DPP10: variants seen among roughly 807,000 people sequenced by gnomAD.
The protein encoded by DPP10 is dipeptidyl peptidase like 10.
A neutral mutation model predicts 120.9 loss-of-function variants in DPP10; 33 were observed. The ratio of observed to expected loss-of-function variants is 0.27; its 90% confidence interval spans 0.21 to 0.37. DPP10 has a LOEUF of 0.37. Ranked by LOEUF, DPP10 falls within the 10% of genes least tolerant of loss-of-function variation. The pLI is 1.00. For synonymous variants in DPP10, 337 were observed against 326.1 expected (o/e 1.03, Z -0.36); for missense variants, 816 against 942.8 (o/e 0.87, Z 1.76).
intron 3 of DPP10, among the ~76,000 whole-genome samples, chr2:115,378,095 A>C (rs558388138): frequency 0.013 from 1,913 of 152,108 alleles, 29 homozygotes; most frequent in African/African-American, 0.038. Context: ...TGAAGAAAGT[A>C]ATTGGTAGCT....
At chr2:115,512,958 A>G (rs1306171079) in intron 4 of DPP10, among the ~76,000 whole-genome samples, 2 of 152,002 alleles carry the variant, frequency 1.3e-5, no homozygotes, top group Non-Finnish European at 2.9e-5. Flanking sequence ...GGTTCTATCC[A>G]TTGCTGAAAT....
chr2:114,640,044 T>C (rs1161317891), intron 1 of DPP10, among the ~76,000 whole-genome samples: 1 of 151,970 alleles, frequency 6.6e-6, no homozygotes, highest in Non-Finnish European at 1.5e-5. Flanking sequence ...ACAAATAGGA[T>C]GTAGTTACCA....
chr2:115,666,408 A>G (rs1226554487), intron 5 of DPP10, among the ~76,000 whole-genome samples: 1 of 152,160 alleles, frequency 6.6e-6, no homozygotes, highest in Non-Finnish European at 1.5e-5. Flanking sequence ...GAACTCGCTC[A>G]CTATCACGAG....
intron 1 of DPP10, among the ~76,000 whole-genome samples, chr2:114,526,192 C>T (rs1205058478): frequency 6.6e-6 from 1 of 152,142 alleles, no homozygotes; most frequent in Non-Finnish European, 1.5e-5. Context: ...GACAGCTGAC[C>T]TAATGGGCTT....
intron 2 of DPP10, among the ~76,000 whole-genome samples, chr2:115,324,076 G>A (rs2062209648): frequency 6.6e-6 from 1 of 152,084 alleles, no homozygotes; most frequent in African/African-American, 2.4e-5. Context: ...GATAGATCAA[G>A]ACCATGCTGG....
chr2:115,176,007 A>G (rs2053661654), intron 1 of DPP10, among the ~76,000 whole-genome samples: 2 of 152,182 alleles, frequency 1.3e-5, no homozygotes, highest in Non-Finnish European at 2.9e-5. Flanking sequence ...GATGATGCCT[A>G]GTCTGTGGAC....
chr2:115,074,970 C>T (rs1236206926), intron 1 of DPP10, among the ~76,000 whole-genome samples: 1 of 152,072 alleles, frequency 6.6e-6, no homozygotes, highest in Non-Finnish European at 1.5e-5. Context: ...GTTTGAGATG[C>T]CTTTGGACCA....
chr2:114,596,994 G>A (rs981646138), intron 1 of DPP10, among the ~76,000 whole-genome samples: 3 of 152,028 alleles, frequency 2.0e-5, no homozygotes, highest in Non-Finnish European at 2.9e-5. Flanking sequence ...TTAGATTCTA[G>A]TAGACAAGTC....
chr2:115,795,759 C>T (rs1684462123), intron 19 of DPP10, among the ~76,000 whole-genome samples: 1 of 152,126 alleles, frequency 6.6e-6, no homozygotes, highest in African/African-American at 2.4e-5. Context: ...GTTTGTTATA[C>T]ACACATTTCA....
At chr2:115,027,980 T>A (rs1036378044) in intron 1 of DPP10, among the ~76,000 whole-genome samples, 1 of 152,082 alleles carries the variant, frequency 6.6e-6, no homozygotes, top group African/African-American at 2.4e-5. Flanking sequence ...TAATTTTACT[T>A]AATTGGGTCT....
chr2:114,926,679 C>A (rs867609783), intron 1 of DPP10, among the ~76,000 whole-genome samples: 2 of 152,062 alleles, frequency 1.3e-5, no homozygotes, highest in Middle Eastern at 3.2e-3. Flanking sequence ...CTGCCTGGAC[C>A]CTCTAGCAAG....
At chr2:114,502,809 T>C (rs1024881035) in intron 1 of DPP10, among the ~76,000 whole-genome samples, 2 of 152,226 alleles carry the variant, frequency 1.3e-5, no homozygotes, top group East Asian at 1.9e-4. Flanking sequence ...AAGTGACTCA[T>C]ACTTTCACAT....
At chr2:115,820,547 T>TG (rs1320142374) in intron 21 of DPP10, among the ~76,000 whole-genome samples, 1 of 152,086 alleles carries the variant, frequency 6.6e-6, no homozygotes, top group Non-Finnish European at 1.5e-5. Context: ...AGAAGTGTAT[T>TG]GTACCCAGTG....
At chr2:114,823,445 T>C (rs1007616216) in intron 1 of DPP10, among the ~76,000 whole-genome samples, 7 of 152,096 alleles carry the variant, frequency 4.6e-5, no homozygotes, top group African/African-American at 1.7e-4. Context: ...CCAAAACATA[T>C]CCCATCTTAA....
intron 3 of DPP10, among the ~76,000 whole-genome samples, chr2:115,405,301 G>A (rs1259547447): frequency 6.6e-6 from 1 of 152,186 alleles, no homozygotes; most frequent in Non-Finnish European, 1.5e-5. Context: ...AAATCTTAAA[G>A]CTCAGAATAT....
chr2:115,190,275 C>T (rs922536150), intron 1 of DPP10, among the ~76,000 whole-genome samples: 1 of 152,110 alleles, frequency 6.6e-6, no homozygotes, highest in Non-Finnish European at 1.5e-5. Context: ...TGGTACTCCT[C>T]GTGGAACTCC....
chr2:114,475,773 A>G (rs1387468889), intron 1 of DPP10, among the ~76,000 whole-genome samples: 1 of 152,226 alleles, frequency 6.6e-6, no homozygotes, highest in Non-Finnish European at 1.5e-5. Flanking sequence ...TTCCTCTCCT[A>G]GGAACTGTAA....
In DPP10 at chr2:115,670,967, A is replaced by G. The variant is rs1438893014; in HGVS notation, c.442-18720A>G. Among the ~76,000 whole-genome samples, 7 of 152,196 alleles carry G rather than the reference A, an allele frequency of 4.6e-5. No individual in the cohort carries two copies. In the East Asian group the frequency reaches 1.3e-3, roughly 29 times the overall value. ...ACTATTGGAAAAAAATTGTTAAGCC[A>G]TGTTTGAGAAATAAAGAATATTCCT... On this transcript the variant is annotated intron_variant, in intron 5 of 25. Coordinates refer to ENST00000410059, the MANE Select transcript of DPP10 (RefSeq NM_020868.6).
chr2:114,917,222 C>T (rs2106636058), intron 1 of DPP10, among the ~76,000 whole-genome samples: 1 of 152,176 alleles, frequency 6.6e-6, no homozygotes, highest in East Asian at 1.9e-4. Context: ...GTTCACAGTC[C>T]TCACCAAAAG....
Sources: allele counts gnomAD v4.1 joint callset (sites outside exome capture counted in the v4.1 genomes callset), GRCh38; gene constraint gnomAD v4.1.1; transcripts MANE v1.5; gene names NCBI Gene and HGNC (gene_info 2026-07-23, HGNC 2026-07-21).